Variants in FSTL4 observed in about 807,000 individuals in gnomAD.
FSTL4 encodes follistatin like 4, also known as follistatin-related protein 4.
A neutral mutation model predicts 78.2 loss-of-function variants in FSTL4; 28 were observed. The observed-to-expected ratio is 0.36, with a 90% CI of 0.27 to 0.49. The LOEUF is 0.49. Ranked by LOEUF, FSTL4 falls within the 20% of genes least tolerant of loss-of-function variation. The pLI is 0.98. For synonymous variants in FSTL4, 422 were observed against 440.5 expected (o/e 0.96, Z 0.53); for missense variants, 922 against 1,084.9 (o/e 0.85, Z 2.11).
chr5:133,352,209 T>C (rs1754838188), intron 4 of FSTL4, among the ~76,000 whole-genome samples: 1 of 150,946 alleles, frequency 6.6e-6, no homozygotes, highest in Non-Finnish European at 1.5e-5. Context: ...CCCTCCCCAT[T>C]AGTCCCCACG....
chr5:133,223,049 G>T (rs184245916), intron 11 of FSTL4, among the ~76,000 whole-genome samples: 1 of 152,200 alleles, frequency 6.6e-6, no homozygotes, highest in Non-Finnish European at 1.5e-5. Flanking sequence ...ATTCCATGGG[G>T]CCTCTTGCAT....
chr5:133,678,775 T>G, the FSTL4 span, among the ~76,000 whole-genome samples: 7 of 152,098 alleles, frequency 4.6e-5, no homozygotes, highest in South Asian at 1.5e-3. Context: ...TAAGATTACC[T>G]AGGGAAGGGA....
At chr5:133,558,883 C>T (rs1158232682) in intron 3 of FSTL4, among the ~76,000 whole-genome samples, 1 of 152,092 alleles carries the variant, frequency 6.6e-6, no homozygotes, top group Non-Finnish European at 1.5e-5. Context: ...GTGAGTGAGG[C>T]CAATCAGGAG....
chr5:133,565,864 G>A (rs1760016309), intron 3 of FSTL4, among the ~76,000 whole-genome samples: 1 of 152,278 alleles, frequency 6.6e-6, no homozygotes, highest in Non-Finnish European at 1.5e-5. Context: ...TCGGGATTCT[G>A]GCATAAACAG....
the FSTL4 span, among the ~76,000 whole-genome samples, chr5:133,665,094 C>T: frequency 6.6e-6 from 1 of 152,138 alleles, no homozygotes; most frequent in African/African-American, 2.4e-5. Context: ...GTATGAGGCT[C>T]CTTCTCTGAA....
chr5:133,446,063 A>G (rs1757257883), intron 3 of FSTL4, among the ~76,000 whole-genome samples: 1 of 152,186 alleles, frequency 6.6e-6, no homozygotes, highest in African/African-American at 2.4e-5. Context: ...GATGGCAGTC[A>G]TGACCTTCAT....
intron 2 of FSTL4, among the ~76,000 whole-genome samples, chr5:133,592,348 T>A (rs1412101222): frequency 6.6e-6 from 1 of 152,240 alleles, no homozygotes; most frequent in Non-Finnish European, 1.5e-5. Context: ...CAGATAAGAA[T>A]TTCTTGTACA....
intron 6 of FSTL4, among the ~76,000 whole-genome samples, chr5:133,282,543 G>T (rs1159961556): frequency 6.6e-6 from 1 of 152,192 alleles, no homozygotes; most frequent in African/African-American, 2.4e-5. Context: ...TCTCCCATAC[G>T]ATTCTTCTTG....
the FSTL4 span, among the ~76,000 whole-genome samples, chr5:133,763,624 C>T: frequency 6.6e-6 from 1 of 152,146 alleles, no homozygotes; most frequent in Non-Finnish European, 1.5e-5. Context: ...TTCATCTGGG[C>T]CTTTGTTTCC....
the FSTL4 span, among the ~76,000 whole-genome samples, chr5:133,719,953 A>G: frequency 1.3e-5 from 2 of 152,170 alleles, no homozygotes; most frequent in Admixed American, 6.5e-5. Flanking sequence ...TTCTTTATGA[A>G]CTTTGAAATA....
the FSTL4 span, among the ~76,000 whole-genome samples, chr5:133,693,238 C>T: frequency 6.6e-6 from 1 of 152,138 alleles, no homozygotes. Flanking sequence ...CTCTCATAAA[C>T]ATTTAAAAAT....
chr5:133,206,503 A>AGAT (rs1389611826), intron 14 of FSTL4, among the ~76,000 whole-genome samples: 1 of 152,134 alleles, frequency 6.6e-6, no homozygotes, highest in Non-Finnish European at 1.5e-5. Context: ...CTGGGATTAC[A>AGAT]GATGTGCACC....
At chr5:133,710,912 T>C in the FSTL4 span, among the ~76,000 whole-genome samples, 751 of 152,202 alleles carry the variant, frequency 4.9e-3, 8 homozygotes, top group African/African-American at 0.017. Flanking sequence ...ATAAATACTA[T>C]CAGGAACAGT....
the FSTL4 span, among the ~76,000 whole-genome samples, chr5:133,696,189 G>A: frequency 1.3e-5 from 2 of 152,232 alleles, no homozygotes; most frequent in Non-Finnish European, 2.9e-5. Flanking sequence ...TGAAGCCTAC[G>A]CTCCTGACTT....
intron 3 of FSTL4, among the ~76,000 whole-genome samples, chr5:133,528,613 G>A (rs1210599859): frequency 6.6e-6 from 1 of 152,108 alleles, no homozygotes; most frequent in Non-Finnish European, 1.5e-5. Context: ...ACGCTCCTCT[G>A]TGAACACTTT....
intron 8 of FSTL4, among the ~76,000 whole-genome samples, chr5:133,230,412 T>A (rs1039349744): frequency 5.3e-5 from 8 of 152,154 alleles, no homozygotes; most frequent in Admixed American, 2.0e-4. Flanking sequence ...CATGCCAGTG[T>A]TCTAGAACAA....
the FSTL4 span, among the ~76,000 whole-genome samples, chr5:133,620,302 C>T: frequency 6.6e-6 from 1 of 152,160 alleles, no homozygotes; most frequent in Non-Finnish European, 1.5e-5. Context: ...AAGCACTCTG[C>T]AAATAACATA....
chr5:133,479,380 G>A (rs896767545), intron 3 of FSTL4, among the ~76,000 whole-genome samples: 2 of 152,244 alleles, frequency 1.3e-5, no homozygotes, highest in Admixed American at 6.5e-5. Flanking sequence ...TACCGAGGCC[G>A]TAAGACTTCT....
intron 2 of FSTL4, among the ~76,000 whole-genome samples, chr5:133,578,310 T>A (rs1006381781): frequency 2.0e-5 from 3 of 152,254 alleles, no homozygotes; most frequent in African/African-American, 7.2e-5. Flanking sequence ...ATCACCTGAT[T>A]GTTTCAGTAG....
Sources: allele counts gnomAD v4.1 joint callset (sites outside exome capture counted in the v4.1 genomes callset), GRCh38; gene constraint gnomAD v4.1.1; transcripts MANE v1.5; gene names NCBI Gene and HGNC (gene_info 2026-07-23, HGNC 2026-07-21).